The following WDR93 variants were observed in gnomAD, a reference collection of about 807,000 sequenced individuals.
WDR93 encodes the protein WD repeat domain 93, also known as WD repeat-containing protein 93.
In WDR93, 73 loss-of-function variants were observed where a neutral mutation model predicts 82.9. The ratio of observed to expected loss-of-function variants is 0.88; its 90% confidence interval spans 0.73 to 1.07. The LOEUF (loss-of-function observed/expected upper bound fraction) is 1.07, where lower values mean the gene tolerates loss of function less well. Among genes scored for constraint, WDR93 ranks in the 50% least tolerant of loss-of-function variants. The pLI, the probability that WDR93 is intolerant of heterozygous loss-of-function variation, is 0.00. For synonymous variants in WDR93, 283 were observed against 300.1 expected (o/e 0.94, Z 0.59); for missense variants, 738 against 826.0 (o/e 0.89, Z 1.31).
intron 16 of WDR93, among the ~76,000 whole-genome samples, chr15:89,738,853 G>A (rs1184801369): frequency 6.6e-6 from 1 of 152,074 alleles, no homozygotes; most frequent in East Asian, 1.9e-4. Flanking sequence ...GGTGGCTCAT[G>A]CCTGTAATCC....
intron 6 of WDR93, 63 bp from the exon 7 acceptor site, chr15:89,716,848 T>A (rs1966272580): frequency 8.6e-7 from 1 of 1,165,912 alleles, no homozygotes; most frequent in East Asian, 2.5e-5. Flanking sequence ...TGCCAGAAGA[T>A]TAAAGGGGGT....
At chr15:89,702,831 G>C (rs908133339) in intron 2 of WDR93, 119 bp from the exon 3 acceptor site, 1 of 1,173,884 alleles carries the variant, frequency 8.5e-7, no homozygotes, top group African/African-American at 1.5e-5. Flanking sequence ...TAGCCACTGC[G>C]TCCAGCCAGG....
At chr15:89,700,821 T>G (rs894407779) in intron 1 of WDR93, among the ~76,000 whole-genome samples, 1 of 152,126 alleles carries the variant, frequency 6.6e-6, no homozygotes, top group Non-Finnish European at 1.5e-5. Context: ...CCTCCTGAAG[T>G]GCTGGGATTA....
intron 1 of WDR93, among the ~76,000 whole-genome samples, chr15:89,692,979 C>T (rs11634708): frequency 0.44 from 66,779 of 151,866 alleles, 15,736 homozygotes; most frequent in Non-Finnish European, 0.53. Flanking sequence ...TAGTATGTAG[C>T]GTTTTCTTTT....
At chr15:89,727,064 C>A in intron 8 of WDR93, 93 bp from the exon 9 acceptor site, 1 of 1,406,832 alleles carries the variant, frequency 7.1e-7, no homozygotes, top group Non-Finnish European at 9.8e-7. Flanking sequence ...CTGAGGGATT[C>A]TGCAGGAAGC....
intron 16 of WDR93, among the ~76,000 whole-genome samples, chr15:89,741,101 T>C (rs1231904843): frequency 1.3e-5 from 2 of 152,018 alleles, no homozygotes; most frequent in Non-Finnish European, 2.9e-5. Flanking sequence ...GATCATGCCA[T>C]TGCACTCCAG....
At chr15:89,691,281 C>A in intron 1 of WDR93, among the ~76,000 whole-genome samples, 1 of 152,156 alleles carries the variant, frequency 6.6e-6, no homozygotes, top group East Asian at 1.9e-4. Context: ...CTGAGGAAAT[C>A]CTAAAAGAGT....
rs1453130910 is a variant in WDR93, at chr15:89,729,605, T to G, written c.1124-78T>G. 4 of 1,111,088 alleles carry G rather than the reference T, an allele frequency of 3.6e-6. No homozygotes were observed. The African/African-American group carries it at 6.2e-5, about 17-fold the overall frequency. 68.8% of individuals were successfully genotyped at this position (1,111,088 alleles called of 1,614,324 possible). ...AACCAGCTTCTCTTGGGCAAACACC[T>G]TCTGTGCAAACCAAAGGCCACCCAG... On this transcript the variant is annotated intron_variant, in intron 10 of 16. Transcript: ENST00000268130.
chr15:89,701,744 G>T lies in WDR93; in HGVS notation c.-3G>T. The T allele has an allele frequency of 6.2e-7, 1 of 1,607,790 alleles. No individual in the cohort carries two copies. Among genetic ancestry groups the T allele is most frequent in the Non-Finnish European group, 8.5e-7 (1 of 1,175,008 alleles). On this transcript the variant is annotated 5_prime_UTR_variant, in exon 2 of 17. Transcript: ENST00000268130. ...ATAGAGGTTCCCAGTGCCACCTTCT[G>T]TGATGTCATTCCCAAGAGGAAGTCA...
chr15:89,735,655 T>C (rs1170870609), intron 14 of WDR93, 102 bp downstream of exon 14: 2 of 1,224,088 alleles, frequency 1.6e-6, no homozygotes, highest in African/African-American at 1.5e-5. Flanking sequence ...AGGCCTGTTA[T>C]GTGTTAGGCA....
chr15:89,742,721 C>T (rs773186088), intron 16 of WDR93, among the ~76,000 whole-genome samples: 5 of 151,986 alleles, frequency 3.3e-5, no homozygotes, highest in African/African-American at 1.2e-4. Context: ...TTAGTAGAGA[C>T]GGGGTTTCTC....
At chr15:89,739,262 T>C (rs1967465731) in intron 16 of WDR93, among the ~76,000 whole-genome samples, 2 of 152,222 alleles carry the variant, frequency 1.3e-5, no homozygotes, top group African/African-American at 4.8e-5. Context: ...CATTTGTTTA[T>C]GTATTATCTA....
chr15:89,698,047 T>C (rs972694514), intron 1 of WDR93, among the ~76,000 whole-genome samples: 2 of 143,352 alleles, frequency 1.4e-5, no homozygotes, highest in African/African-American at 5.0e-5. Flanking sequence ...GCCCGGCTGA[T>C]TTTTTTTTTT....
intron 15 of WDR93, 91 bp downstream of exon 15, chr15:89,737,820 A>T: frequency 6.5e-7 from 1 of 1,546,876 alleles, no homozygotes; most frequent in South Asian, 1.2e-5. Context: ...TCTCCTCCCC[A>T]CTCTGTGTCC....
At chr15:89,735,377 C>A in intron 13 of WDR93, 113 bp from the exon 14 acceptor site, 1 of 1,093,202 alleles carries the variant, frequency 9.1e-7, no homozygotes, top group Non-Finnish European at 1.4e-6. Context: ...GAACAGCCTC[C>A]TCACATATTT....
At chr15:89,729,826 C>G in intron 11 of WDR93, 57 bp downstream of exon 11, 1 of 1,419,548 alleles carries the variant, frequency 7.0e-7, no homozygotes, top group South Asian at 1.2e-5. Flanking sequence ...ACATGTCCTT[C>G]TCCAGCTTAG....
chr15:89,690,531 C>A, upstream of WDR93: 3 of 1,456,572 alleles, frequency 2.1e-6, no homozygotes, highest in Non-Finnish European at 2.8e-6. Context: ...GCACGGGAGC[C>A]GAGTTAGGGC....
intron 9 of WDR93, among the ~76,000 whole-genome samples, chr15:89,728,154 T>C (rs1382529054): frequency 1.3e-5 from 2 of 152,132 alleles, no homozygotes; most frequent in African/African-American, 4.8e-5. Context: ...TACTAAAATT[T>C]TTCTCCATTT....
At chr15:89,698,317 C>T (rs1965290244) in intron 1 of WDR93, among the ~76,000 whole-genome samples, 2 of 151,962 alleles carry the variant, frequency 1.3e-5, no homozygotes, top group Admixed American at 6.6e-5. Flanking sequence ...CTTTGTTCAC[C>T]CTTTTAGTTT....
Sources: gnomAD v4.1 joint callset for allele counts (sites outside exome capture counted in the v4.1 genomes callset) on GRCh38, gnomAD v4.1.1 for gene constraint, MANE v1.5 for transcripts, NCBI Gene and HGNC (gene_info 2026-07-23, HGNC 2026-07-21) for gene names.